The following EIF4G3 variants were observed in gnomAD, a reference collection of about 807,000 sequenced individuals.
EIF4G3 encodes the protein eIF-4-gamma 3.
In EIF4G3, 34 loss-of-function variants were observed where a neutral mutation model predicts 186.4. The observed-to-expected ratio is 0.18, with a 90% CI of 0.14 to 0.24. The LOEUF is 0.24. EIF4G3 is among the 10% of genes least tolerant of loss of function. The pLI is 1.00. For synonymous variants in EIF4G3, 673 were observed against 679.5 expected, an observed-to-expected ratio of 0.99 and a Z score of 0.15; for missense variants, 1,536 against 1,948.5, an observed-to-expected ratio of 0.79 and a Z score of 3.99.
intron 14 of EIF4G3, among the ~76,000 whole-genome samples, chr1:20,919,645 T>C (rs1033976405): frequency 1.1e-4 from 17 of 152,196 alleles, no homozygotes; most frequent in African/African-American, 3.4e-4. Flanking sequence ...AGGAAAAGTC[T>C]TTTTTCTCTT....
At chr1:20,934,774 C>T (rs916618155) in intron 14 of EIF4G3, among the ~76,000 whole-genome samples, 4 of 151,866 alleles carry the variant, frequency 2.6e-5, no homozygotes, top group African/African-American at 9.7e-5. Flanking sequence ...GTATGTTTTT[C>T]AAAAGGAAAA....
At chr1:21,114,827 C>T (rs1476050109) in intron 2 of EIF4G3, among the ~76,000 whole-genome samples, 4 of 152,128 alleles carry the variant, frequency 2.6e-5, no homozygotes, top group South Asian at 2.1e-4. Context: ...ATTATTAGCT[C>T]GGTTTGGTAC....
chr1:21,025,816 G>A (rs928402197), intron 4 of EIF4G3, among the ~76,000 whole-genome samples: 21 of 152,314 alleles, frequency 1.4e-4, no homozygotes, highest in Admixed American at 1.1e-3. Context: ...AATTAGGCAT[G>A]AAGAGAGCAG....
At chr1:21,109,979 C>T (rs2096691144) in intron 2 of EIF4G3, among the ~76,000 whole-genome samples, 2 of 151,940 alleles carry the variant, frequency 1.3e-5, no homozygotes, top group African/African-American at 4.8e-5. Flanking sequence ...GAGATGGAAA[C>T]GTTTCGCTAT....
At chr1:21,047,512 A>C (rs2093960536) in intron 4 of EIF4G3, among the ~76,000 whole-genome samples, 1 of 151,788 alleles carries the variant, frequency 6.6e-6, no homozygotes, top group Non-Finnish European at 1.5e-5. Context: ...TGTAATTTGG[A>C]CTCATTCATT....
chr1:21,111,612 A>T (rs182952445), intron 2 of EIF4G3: 32 of 268,926 alleles, frequency 1.2e-4, no homozygotes, highest in African/African-American at 6.2e-4. Context: ...TATTATTACA[A>T]GGAAAAGTAG....
At chr1:21,049,582 T>C (rs1246520446) in intron 4 of EIF4G3, among the ~76,000 whole-genome samples, 1 of 152,248 alleles carries the variant, frequency 6.6e-6, no homozygotes, top group East Asian at 1.9e-4. Flanking sequence ...TATTCATTAA[T>C]AGGGCTATTT....
In EIF4G3 at chr1:20,900,147, A is replaced by C. The variant is rs187939965; in HGVS notation, c.1753-204T>G. Among the ~76,000 whole-genome samples the C allele has an allele frequency of 7.9e-5, 12 of 152,324 alleles. No individual in the cohort carries two copies. In the East Asian group the frequency reaches 2.1e-3, roughly 27 times the overall value. ...CACCTAGGAAAAGGAAGACCATTCA[A>C]ATGGCTGCTGAAATGCTTTAACATG... On this transcript the variant is annotated intron_variant, in intron 15 of 36. Coordinates refer to ENST00000602326, the MANE Select transcript of EIF4G3 (RefSeq NM_001391906.1).
intron 2 of EIF4G3, among the ~76,000 whole-genome samples, chr1:21,154,843 C>G (rs2097613446): frequency 6.6e-6 from 1 of 152,176 alleles, no homozygotes; most frequent in South Asian, 2.1e-4. Flanking sequence ...GGTATTTTCA[C>G]TATTGTCTCA....
intron 7 of EIF4G3, among the ~76,000 whole-genome samples, chr1:20,989,557 CAAAAAAAAAAAAA>C (rs71014142): frequency 1.8e-3 from 61 of 34,704 alleles, no homozygotes; most frequent in Admixed American, 9.5e-3. Context: ...AACTCCAACT[CAAAAAAAAAAAAA>C]AAAAAAAAAA....
intron 12 of EIF4G3, among the ~76,000 whole-genome samples, chr1:20,958,224 G>A: frequency 6.6e-6 from 1 of 152,122 alleles, no homozygotes; most frequent in East Asian, 1.9e-4. Context: ...TTTATTTCAA[G>A]GATGCAGAGA....
intron 2 of EIF4G3, among the ~76,000 whole-genome samples, chr1:21,132,709 G>A (rs905282739): frequency 5.3e-5 from 8 of 152,046 alleles, no homozygotes; most frequent in African/African-American, 1.9e-4. Context: ...CAAAATGCTA[G>A]AAGCACAGGC....
chr1:21,132,783 TTTTTA>T (rs1224443400), intron 2 of EIF4G3, among the ~76,000 whole-genome samples: 1 of 151,972 alleles, frequency 6.6e-6, no homozygotes, highest in Admixed American at 6.6e-5. Context: ...TTTAAAAAAA[TTTTTA>T]TTTTATCTTT....
chr1:21,134,444 G>A (rs1004538134), intron 2 of EIF4G3, among the ~76,000 whole-genome samples: 4 of 152,164 alleles, frequency 2.6e-5, no homozygotes, highest in African/African-American at 9.7e-5. Context: ...CAAGGCAGGA[G>A]GATCACATGA....
intron 13 of EIF4G3, among the ~76,000 whole-genome samples, chr1:20,944,919 C>A (rs1417311387): frequency 6.6e-6 from 1 of 152,002 alleles, no homozygotes; most frequent in Non-Finnish European, 1.5e-5. Flanking sequence ...GTGAGAGGAC[C>A]ACCTGAGCCC....
chr1:21,165,433 C>T (rs1325879180), intron 2 of EIF4G3, among the ~76,000 whole-genome samples: 1 of 152,166 alleles, frequency 6.6e-6, no homozygotes, highest in Non-Finnish European at 1.5e-5. Context: ...AACCTTTTGG[C>T]TATTCATTAT....
chr1:21,084,677 T>A (rs1330047748), intron 3 of EIF4G3, among the ~76,000 whole-genome samples: 1 of 152,194 alleles, frequency 6.6e-6, no homozygotes, highest in Non-Finnish European at 1.5e-5. Context: ...GCCTCTGCAC[T>A]GATGTTCCTT....
intron 4 of EIF4G3, among the ~76,000 whole-genome samples, chr1:21,022,902 T>A (rs976096448): frequency 6.6e-6 from 1 of 152,230 alleles, no homozygotes. Context: ...ACATGGTAAA[T>A]GTTCTTTTAC....
intron 4 of EIF4G3, among the ~76,000 whole-genome samples, chr1:21,030,225 T>C (rs1211076316): frequency 2.0e-5 from 3 of 152,186 alleles, no homozygotes; most frequent in Admixed American, 6.5e-5. Flanking sequence ...TCAGCTGATA[T>C]GGTTTGGCTC....
Sources: allele counts gnomAD v4.1 joint callset (sites outside exome capture counted in the v4.1 genomes callset), GRCh38; gene constraint gnomAD v4.1.1; transcripts MANE v1.5; gene names NCBI Gene and HGNC (gene_info 2026-07-23, HGNC 2026-07-21).